Variants in PRKACB observed in about 807,000 individuals in gnomAD.
PRKACB encodes cAMP-dependent protein kinase catalytic subunit beta.
A neutral mutation model predicts 51.4 loss-of-function variants in PRKACB; 16 were observed. That is an observed-to-expected ratio of 0.31 (90% CI 0.21 to 0.47). The LOEUF (loss-of-function observed/expected upper bound fraction) is 0.47. Ranked by LOEUF, PRKACB falls within the 20% of genes least tolerant of loss-of-function variation. The probability of loss-of-function intolerance (pLI) is 1.00; values close to 1 mark genes in which losing one functional copy is unlikely to be tolerated. For missense variants in PRKACB, 309 were observed against 464.5 expected, an observed-to-expected ratio of 0.67 and a Z score of 3.08; for synonymous variants, 147 against 154.4, an observed-to-expected ratio of 0.95 and a Z score of 0.35.
Position 84,214,274 on chromosome 1 carries a change from A to G in PRKACB, c.1028A>G (p.Lys343Arg). 1 of 1,612,430 alleles carries G rather than the reference A, an allele frequency of 6.2e-7. No homozygotes were observed. Among genetic ancestry groups the G allele is most frequent in the East Asian group, 2.2e-5 (1 of 44,772 alleles). ...KNGVSDIKTHKWFATTDWIAI... is the reference protein window; with the variant it reads ...KNGVSDIKTHRWFATTDWIAI... ...GGTGTCAGTGATATAAAAACTCACA[A>G]GTGGTTTGCCACGACAGATTGGATT... is the stretch of plus-strand genomic sequence containing the variant. The change falls in exon 9 of 10, where the codon AAG becomes AGG. Residue 343 changes from lysine to arginine, a missense_variant. Physicochemically the swap from Lys to Arg is conservative, Grantham distance 26. This residue lies in a region of PRKACB where 96 missense variants were observed against 129.9 expected (regional missense o/e 0.74). Coordinates refer to ENST00000370685, the MANE Select transcript of PRKACB (RefSeq NM_182948.4).
chr1:84,079,795 AGCTG>A (rs552606991), intron 1 of PRKACB, among the ~76,000 whole-genome samples: 1 of 152,222 alleles, frequency 6.6e-6, no homozygotes, highest in African/African-American at 2.4e-5. Context: ...CCTCCTGAGT[AGCTG>A]GGATTACAGG....
intron 4 of PRKACB, 61 bp from the exon 5 acceptor site, chr1:84,185,039 T>C: frequency 2.0e-6 from 2 of 987,490 alleles, no homozygotes; most frequent in Non-Finnish European, 2.9e-6. Flanking sequence ...CAGCATTATA[T>C]AATATTAAAA....
intron 1 of PRKACB, among the ~76,000 whole-genome samples, chr1:84,102,366 G>A (rs763826868): frequency 4.6e-5 from 7 of 151,952 alleles, no homozygotes; most frequent in Non-Finnish European, 7.4e-5. Context: ...CAGCCTAGGC[G>A]ACAGAGCGAG....
chr1:84,086,565 C>T (rs956377401), intron 1 of PRKACB, among the ~76,000 whole-genome samples: 3 of 152,214 alleles, frequency 2.0e-5, no homozygotes, highest in Non-Finnish European at 4.4e-5. Context: ...TCTGAAGCCT[C>T]GTGCCTGGCT....
Position 84,145,718 on chromosome 1 carries a change from T to G in PRKACB, c.187+1170T>G, listed in dbSNP as rs114685579. ...TTGATGGATGAGGAATATGAATATA[T>G]ATCTTCAAGTTAATGAACTGTTGAA... On this transcript the variant is annotated intron_variant, in intron 1 of 9. Transcript: ENST00000370685. 4.0e-3 allele frequency among the ~76,000 whole-genome samples: 608 copies of G among 152,168 alleles called. 2 individuals are homozygous for G. The highest frequency in any genetic ancestry group is 7.3e-3 in the Non-Finnish European group (499 of 67,896).
intron 7 of PRKACB, among the ~76,000 whole-genome samples, chr1:84,202,275 T>C (rs1670351920): frequency 6.6e-6 from 1 of 152,100 alleles, no homozygotes; most frequent in Admixed American, 6.6e-5. Context: ...TGAAAACTTT[T>C]GATCTTTCTA....
chr1:84,168,544 A>G (rs1433164778), intron 1 of PRKACB, among the ~76,000 whole-genome samples: 2 of 151,552 alleles, frequency 1.3e-5, no homozygotes, highest in Non-Finnish European at 3.0e-5. Flanking sequence ...CACTTCATTA[A>G]TTTCCCTTTC....
At chr1:84,208,797 C>A (rs1394480118) in intron 8 of PRKACB, among the ~76,000 whole-genome samples, 2 of 152,066 alleles carry the variant, frequency 1.3e-5, no homozygotes, top group Non-Finnish European at 2.9e-5. Flanking sequence ...TCTTTTCATA[C>A]CTGCCAGATG....
At chr1:84,134,977 ATCTTT>A (rs534231879) in intron 1 of PRKACB, among the ~76,000 whole-genome samples, 49 of 152,310 alleles carry the variant, frequency 3.2e-4, no homozygotes, top group Non-Finnish European at 5.6e-4. Flanking sequence ...TTTTACTTTC[ATCTTT>A]TCTTTTATGA....
chr1:84,126,842 C>T, intron 1 of PRKACB, among the ~76,000 whole-genome samples: 1 of 152,204 alleles, frequency 6.6e-6, no homozygotes, highest in South Asian at 2.1e-4. Context: ...CATCAAATCT[C>T]CTTGTTTTTC....
chr1:84,153,053 G>C lies in PRKACB; in HGVS notation c.187+8505G>C, dbSNP rs143977541. On this transcript the variant is annotated intron_variant, in intron 1 of 9. Coordinates refer to ENST00000370685, the MANE Select transcript of PRKACB (RefSeq NM_182948.4). ...GGCCATTGTAAGGCTATTGATCGGC[G>C]TAATTTCAGTATTGCTGTGTCTTAG... Among the ~76,000 whole-genome samples, 337 of 152,080 alleles carry C rather than the reference G, an allele frequency of 2.2e-3. 3 individuals are homozygous for C. Among genetic ancestry groups the C allele is most frequent in the African/African-American group, 7.8e-3 (322 of 41,488 alleles).
rs1379631638 is a variant in PRKACB, at chr1:84,223,649, G to A, written c.1071+9332G>A. ...CTCCCAAAGTGCTGGGATTACAAGCGTGAGCCACCATGCCCGGCCTGTTTG... is the reference window on the plus strand; with the variant it reads ...CTCCCAAAGTGCTGGGATTACAAGCATGAGCCACCATGCCCGGCCTGTTTG... On this transcript the variant is annotated intron_variant, in intron 9 of 9. Transcript: ENST00000370685. 3.3e-5 allele frequency among the ~76,000 whole-genome samples: 5 copies of A among 152,182 alleles called. No homozygotes were observed. In the East Asian group the frequency reaches 5.8e-4, roughly 18 times the overall value.
chr1:84,214,567 A>G (rs1169676667), intron 9 of PRKACB, among the ~76,000 whole-genome samples: 1 of 147,218 alleles, frequency 6.8e-6, no homozygotes, highest in Non-Finnish European at 1.5e-5. Flanking sequence ...ATCTCTGCTC[A>G]CTGCAACCTC....
At chr1:84,205,144 T>C in intron 8 of PRKACB, 3 of 981,916 alleles carry the variant, frequency 3.1e-6, no homozygotes, top group Non-Finnish European at 3.6e-6. Flanking sequence ...TCTCTCCCCA[T>C]GTGGGATATA....
At chr1:84,231,468 A>G (rs1675640417) in intron 9 of PRKACB, among the ~76,000 whole-genome samples, 1 of 152,166 alleles carries the variant, frequency 6.6e-6, no homozygotes, top group South Asian at 2.1e-4. Flanking sequence ...CTCTTTTTCT[A>G]TTGATTGGAA....
intron 7 of PRKACB, among the ~76,000 whole-genome samples, chr1:84,199,100 T>TATATACAC (rs1669237265): frequency 2.9e-5 from 4 of 136,312 alleles, no homozygotes; most frequent in Non-Finnish European, 6.2e-5. Context: ...TATATATGCA[T>TATATACAC]ATATGTATAT....
intron 5 of PRKACB, among the ~76,000 whole-genome samples, chr1:84,185,584 T>C (rs902469729): frequency 1.6e-4 from 24 of 151,800 alleles, no homozygotes; most frequent in Non-Finnish European, 5.9e-5. Flanking sequence ...AATAATAGTA[T>C]TATGGTAATA....
At chr1:84,196,279 G>A (rs1668222087) in intron 5 of PRKACB, among the ~76,000 whole-genome samples, 3 of 152,052 alleles carry the variant, frequency 2.0e-5, no homozygotes, top group Non-Finnish European at 1.5e-5. Context: ...ACTCCATTTG[G>A]CACATTTGCT....
chr1:84,176,671 TC>T (rs1468865626), intron 1 of PRKACB, among the ~76,000 whole-genome samples: 14 of 151,814 alleles, frequency 9.2e-5, no homozygotes, highest in Admixed American at 2.6e-4. Flanking sequence ...TTAGTGCCCA[TC>T]CTTTAATGTA....
Sources: allele counts gnomAD v4.1 joint callset (sites outside exome capture counted in the v4.1 genomes callset), GRCh38; gene constraint gnomAD v4.1.1; regional missense constraint gnomAD v4.1.1; transcripts MANE v1.5; gene names NCBI Gene and HGNC (gene_info 2026-07-23, HGNC 2026-07-21).